Variants in ATP11A observed in about 807,000 individuals in gnomAD.
The protein encoded by ATP11A is ATPase phospholipid transporting 11A, also known as phospholipid-transporting ATPase IH.
ATP11A carries 81 observed loss-of-function variants against 154.4 expected under a neutral mutation model. The ratio of observed to expected loss-of-function variants is 0.52; its 90% CI spans 0.44 to 0.63. The LOEUF (loss-of-function observed/expected upper bound fraction) is 0.63. Ranked by LOEUF, ATP11A falls within the 30% of genes least tolerant of loss-of-function variation. The probability of loss-of-function intolerance (pLI) is 0.00; values close to 1 mark genes in which losing one functional copy is unlikely to be tolerated. For missense variants in ATP11A, 1,316 were observed against 1,474.3 expected (o/e 0.89, Z 1.76); for synonymous variants, 623 against 585.9 (o/e 1.06, Z -0.91).
intron 26 of ATP11A, among the ~76,000 whole-genome samples, chr13:112,873,247 T>C (rs2080596184): frequency 1.5e-5 from 2 of 130,456 alleles, no homozygotes; most frequent in Admixed American, 7.9e-5. Context: ...GTCTCCTTAA[T>C]GGTGTGAGGT....
chr13:112,863,138 C>G (rs2080174461), intron 25 of ATP11A, among the ~76,000 whole-genome samples: 1 of 145,192 alleles, frequency 6.9e-6, no homozygotes, highest in South Asian at 2.2e-4. Context: ...TCACCACCTG[C>G]ACAGTAATTC....
rs181028318 is a variant in ATP11A at position 112,838,644 on chromosome 13, T to C, written c.1705+2393T>C. Among the ~76,000 whole-genome samples the C allele has an allele frequency of 1.0e-3, 159 of 152,338 alleles. No homozygotes were observed. The highest frequency in any genetic ancestry group is 3.4e-3 in the Middle Eastern group (1 of 294). On this transcript the variant is annotated intron_variant, in intron 16 of 29. Transcript: ENST00000375645. The surrounding 1 kb of genome is among the most constrained non-coding windows in gnomAD (Gnocchi z 7.3). ...ATAACTTCTGTTACTATCAAAAGGC[T>C]GAAGAGCCGCTGGATCACTCGAAGA...
chr13:112,705,358 G>A (rs1384638561), intron 1 of ATP11A, among the ~76,000 whole-genome samples: 3 of 152,246 alleles, frequency 2.0e-5, no homozygotes, highest in African/African-American at 7.2e-5. Context: ...GGGAGGGTGT[G>A]TGATGTCCTC....
At chr13:112,711,370 G>A (rs1394276728) in intron 1 of ATP11A, among the ~76,000 whole-genome samples, 1 of 152,212 alleles carries the variant, frequency 6.6e-6, no homozygotes, top group African/African-American at 2.4e-5. Context: ...GAGAGGCCGA[G>A]GTGGGAGGAT....
intron 1 of ATP11A, among the ~76,000 whole-genome samples, chr13:112,706,348 CAG>C (rs991387210): frequency 2.0e-5 from 3 of 152,282 alleles, no homozygotes; most frequent in South Asian, 4.1e-4. Context: ...TAGTAAGAGA[CAG>C]AAAGTCATAA....
chr13:112,711,450 C>T (rs1411361804), intron 1 of ATP11A, among the ~76,000 whole-genome samples: 10 of 151,354 alleles, frequency 6.6e-5, no homozygotes, highest in Admixed American at 2.0e-4. Flanking sequence ...CTGATACATA[C>T]GTAAATAAAA....
At position 112,854,444 on chromosome 13, in the gene ATP11A, G is replaced by A; in HGVS notation, c.2157G>A (p.Glu719=). ...TGGAGCTGACCACCAAGAGGATCGA[G>A]GAGCAGAGCCTGCACGACGTCCTGT... ...QLLELTTKRI[E]EQSLHDVLFE... Residue 719 remains glutamate (E), a synonymous_variant, in exon 19 of 30, where the codon GAG becomes GAA. Coordinates refer to ENST00000375645, the MANE Select transcript of ATP11A (RefSeq NM_015205.3). 6.2e-7 allele frequency: 1 copy of A among 1,613,192 alleles called. No individual in the cohort carries two copies. Among genetic ancestry groups the A allele is most frequent in the South Asian group, 1.1e-5 (1 of 91,086 alleles).
intron 1 of ATP11A, among the ~76,000 whole-genome samples, chr13:112,770,940 A>G (rs963057350): frequency 6.6e-6 from 1 of 152,232 alleles, no homozygotes; most frequent in African/African-American, 2.4e-5. Flanking sequence ...AATACCGGCC[A>G]TTAGGGAGAA....
chr13:112,768,937 C>G (rs1044485786), intron 1 of ATP11A, among the ~76,000 whole-genome samples: 1 of 152,204 alleles, frequency 6.6e-6, no homozygotes, highest in African/African-American at 2.4e-5. Context: ...CTCTTGTCTT[C>G]ACCTGCAGTT....
chr13:112,733,216 T>C (rs1890673149), intron 1 of ATP11A, among the ~76,000 whole-genome samples: 1 of 152,154 alleles, frequency 6.6e-6, no homozygotes, highest in Non-Finnish European at 1.5e-5. Context: ...GAGGGGAAGC[T>C]GAATATGGCT....
At chr13:112,777,022 C>T (rs1339942227) in intron 1 of ATP11A, among the ~76,000 whole-genome samples, 1 of 152,212 alleles carries the variant, frequency 6.6e-6, no homozygotes, top group Non-Finnish European at 1.5e-5. Context: ...GCCCCTTGAG[C>T]CTCTCTGCAC....
At chr13:112,751,154 C>T (rs1027334037) in intron 1 of ATP11A, among the ~76,000 whole-genome samples, 4 of 152,296 alleles carry the variant, frequency 2.6e-5, no homozygotes, top group South Asian at 2.1e-4. Context: ...AGATGAACAC[C>T]GGTGTAAGCG....
At chr13:112,821,519 G>A (rs552832111) in intron 8 of ATP11A, among the ~76,000 whole-genome samples, 15 of 152,186 alleles carry the variant, frequency 9.9e-5, no homozygotes, top group East Asian at 5.8e-4. Context: ...TTGCCATGTC[G>A]GTCAAGCTAG....
At chr13:112,700,709 G>A (rs1440261964) in intron 1 of ATP11A, among the ~76,000 whole-genome samples, 1 of 152,194 alleles carries the variant, frequency 6.6e-6, no homozygotes, top group Admixed American at 6.5e-5. Context: ...AGAAGCGTCC[G>A]AGCTTAGACA....
chr13:112,826,171 G>A (rs1201867666), intron 11 of ATP11A, among the ~76,000 whole-genome samples: 4 of 152,188 alleles, frequency 2.6e-5, no homozygotes, highest in Admixed American at 6.5e-5. Context: ...GAGCAGGGCC[G>A]TGTGCAAACC....
intron 19 of ATP11A, 34 bp from the exon 20 acceptor site, chr13:112,855,877 T>A: frequency 6.4e-7 from 1 of 1,559,394 alleles, no homozygotes; most frequent in South Asian, 1.2e-5. Flanking sequence ...GATTTAGTGA[T>A]TGAGCAATCT....
intron 8 of ATP11A, among the ~76,000 whole-genome samples, chr13:112,823,142 G>A (rs957117326): frequency 6.6e-5 from 10 of 152,194 alleles, no homozygotes; most frequent in Non-Finnish European, 1.2e-4. Context: ...CCATGTGTTC[G>A]TCCCCCAAAG....
At chr13:112,771,855 A>G (rs532948761) in intron 1 of ATP11A, among the ~76,000 whole-genome samples, 2 of 152,206 alleles carry the variant, frequency 1.3e-5, no homozygotes, top group African/African-American at 2.4e-5. Flanking sequence ...TTTAATATCA[A>G]GAGAAAAAGG....
rs536565748 is a variant in ATP11A at position 112,697,387 on chromosome 13, C to G, written c.39+6932C>G. Reference sequence around the variant, plus strand: ...TGGCACAGAAAAGCCACGCAGAAAACAGCTGCTGGGCCAACACCGAGACCC... The same window carrying G: ...TGGCACAGAAAAGCCACGCAGAAAAGAGCTGCTGGGCCAACACCGAGACCC... On this transcript the variant is annotated intron_variant, in intron 1 of 29. Transcript: ENST00000375645. The surrounding 1 kb of genome is among the most constrained non-coding windows in gnomAD (Gnocchi z 4.0). Among the ~76,000 whole-genome samples, 2 of 151,840 alleles carry G rather than the reference C, an allele frequency of 1.3e-5. No homozygotes were observed. The highest frequency in any genetic ancestry group is 2.9e-5 in the Non-Finnish European group (2 of 67,950).
Sources: gnomAD v4.1 joint callset for allele counts (sites outside exome capture counted in the v4.1 genomes callset) on GRCh38, gnomAD v4.1.1 for gene constraint, Gnocchi (gnomAD v3.1) non-coding constraint, MANE v1.5 for transcripts, NCBI Gene and HGNC (gene_info 2026-07-23, HGNC 2026-07-21) for gene names.